The following ACACA variants were observed in gnomAD, a reference collection of about 807,000 sequenced individuals.
ACACA encodes the protein acetyl-CoA carboxylase 1.
Under a neutral mutation model 296.1 loss-of-function variants are expected in ACACA, and 103 were observed. That is an observed-to-expected ratio of 0.35 (90% confidence interval 0.30 to 0.41). The LOEUF is 0.41. Among genes scored for constraint, ACACA ranks in the 10% least tolerant of loss-of-function variants. The probability of loss-of-function intolerance (pLI) is 1.00; values close to 1 mark genes in which losing one functional copy is unlikely to be tolerated. For missense variants in ACACA, 1,554 were observed against 2,989.7 expected (o/e 0.52, Z 11.20); for synonymous variants, 953 against 1,038.6 (o/e 0.92, Z 1.58).
At chr17:37,355,166 C>T (rs777683087) in intron 1 of ACACA, among the ~76,000 whole-genome samples, 8 of 147,366 alleles carry the variant, frequency 5.4e-5, no homozygotes, top group Non-Finnish European at 1.2e-4. Context: ...TTGCTTGAAC[C>T]CGGGTGGCGG....
At chr17:37,266,074 C>A (rs901769868) in intron 10 of ACACA, among the ~76,000 whole-genome samples, 2 of 152,086 alleles carry the variant, frequency 1.3e-5, no homozygotes, top group African/African-American at 4.8e-5. Flanking sequence ...TCTGCATAGA[C>A]CTCTCTATAC....
At chr17:37,302,660 T>C (rs1445376509) in intron 3 of ACACA, among the ~76,000 whole-genome samples, 1 of 152,232 alleles carries the variant, frequency 6.6e-6, no homozygotes, top group Non-Finnish European at 1.5e-5. Flanking sequence ...CCTTTTTTGC[T>C]CAATTTATTC....
chr17:37,091,081 T>A lies in ACACA; in HGVS notation c.6892-2007A>T, dbSNP rs184514979. ...CTATCAACATATGCCAGGGAGCAGA[T>A]TAATTGTGGCTTAAGATAACTCTCC... On this transcript the variant is annotated intron_variant, in intron 54 of 55. Coordinates refer to ENST00000616317, the MANE Select transcript of ACACA (RefSeq NM_198834.3). Among the ~76,000 whole-genome samples, 103 of 152,302 alleles carry A rather than the reference T, an allele frequency of 6.8e-4. 1 individual carries two copies. The highest frequency in any genetic ancestry group is 2.3e-3 in the African/African-American group (95 of 41,562).
chr17:37,162,706 C>T (rs1261836578), intron 41 of ACACA: 4 of 245,286 alleles, frequency 1.6e-5, no homozygotes, highest in Non-Finnish European at 3.1e-5. Context: ...CTATGGTATG[C>T]GAATCTTGCA....
intron 45 of ACACA, among the ~76,000 whole-genome samples, chr17:37,133,776 A>G (rs746521119): frequency 6.4e-4 from 97 of 152,210 alleles, no homozygotes; most frequent in African/African-American, 2.2e-3. Context: ...GCAAGCATCA[A>G]TAATCATTTA....
At chr17:37,279,254 T>C (rs577854221) in intron 5 of ACACA, among the ~76,000 whole-genome samples, 3 of 152,330 alleles carry the variant, frequency 2.0e-5, no homozygotes, top group East Asian at 3.9e-4. Context: ...AATAGGCTTA[T>C]TGTTCTCTTT....
intron 41 of ACACA, among the ~76,000 whole-genome samples, chr17:37,162,410 A>G (rs997655589): frequency 1.3e-5 from 2 of 152,136 alleles, no homozygotes; most frequent in Non-Finnish European, 2.9e-5. Flanking sequence ...AGACACTGAT[A>G]TGGTTTGGAT....
chr17:37,245,932 C>T (rs2080675630), intron 19 of ACACA, among the ~76,000 whole-genome samples: 1 of 152,130 alleles, frequency 6.6e-6, no homozygotes, highest in African/African-American at 2.4e-5. Context: ...TTGTCCCTCC[C>T]CATTAAACCT....
intron 41 of ACACA, among the ~76,000 whole-genome samples, chr17:37,176,480 A>G (rs1248301876): frequency 1.3e-5 from 2 of 152,208 alleles, no homozygotes; most frequent in Non-Finnish European, 2.9e-5. Flanking sequence ...TTGGGACAGG[A>G]CAGATTTACT....
At chr17:37,142,017 T>G (rs1201545539) in intron 45 of ACACA, among the ~76,000 whole-genome samples, 1 of 151,624 alleles carries the variant, frequency 6.6e-6, no homozygotes, top group African/African-American at 2.4e-5. Context: ...TTTTTGTTTT[T>G]TTTTTTTTAA....
At chr17:37,378,966 G>C (rs2050126032) in intron 1 of ACACA, among the ~76,000 whole-genome samples, 1 of 152,156 alleles carries the variant, frequency 6.6e-6, no homozygotes, top group African/African-American at 2.4e-5. Flanking sequence ...CTACTCAGGA[G>C]GCTGAGGTGG....
At chr17:37,309,190 A>T (rs2084018206) in intron 3 of ACACA, among the ~76,000 whole-genome samples, 1 of 151,950 alleles carries the variant, frequency 6.6e-6, no homozygotes, top group Admixed American at 6.6e-5. Context: ...CCCAGCTATT[A>T]AAAAAAATTT....
chr17:37,122,726 GAAAC>G, intron 48 of ACACA, 99 bp from the exon 49 acceptor site: 2 of 967,748 alleles, frequency 2.1e-6, no homozygotes, highest in South Asian at 1.3e-5. Context: ...GAAAAAACTA[GAAAC>G]AAACACAGAG....
chr17:37,319,953 AAAAT>A (rs547850944), intron 3 of ACACA, among the ~76,000 whole-genome samples: 5 of 151,714 alleles, frequency 3.3e-5, no homozygotes, highest in African/African-American at 9.7e-5. Context: ...TCCATCTCAA[AAAAT>A]AAATAAATAA....
intron 44 of ACACA, 37 bp from the exon 45 acceptor site, chr17:37,150,011 T>G (rs748031894): frequency 5.1e-6 from 8 of 1,573,146 alleles, no homozygotes; most frequent in Non-Finnish European, 7.0e-6. Flanking sequence ...CACATATTTA[T>G]GTCCTCTCTG....
intron 1 of ACACA, among the ~76,000 whole-genome samples, chr17:37,397,039 C>T (rs935725310): frequency 1.6e-4 from 24 of 150,958 alleles, no homozygotes; most frequent in African/African-American, 4.9e-4. Context: ...CCTCCCCCAT[C>T]CCCCCACCCC....
intron 1 of ACACA, among the ~76,000 whole-genome samples, chr17:37,376,768 A>G (rs8074327): frequency 0.031 from 4,767 of 152,266 alleles, 239 homozygotes; most frequent in African/African-American, 0.11. Flanking sequence ...CAGCCTGGCC[A>G]ACATGGCGAA....
At chr17:37,280,531 A>G (rs143101883) in intron 5 of ACACA, among the ~76,000 whole-genome samples, 1 of 152,268 alleles carries the variant, frequency 6.6e-6, no homozygotes, top group Non-Finnish European at 1.5e-5. Flanking sequence ...TCAATAAGGT[A>G]TAATCTCTTA....
intron 24 of ACACA, among the ~76,000 whole-genome samples, chr17:37,238,799 T>A (rs1292825414): frequency 6.6e-6 from 1 of 152,126 alleles, no homozygotes; most frequent in Admixed American, 6.5e-5. Flanking sequence ...TCCTTAGTAT[T>A]TCATGTTTTG....
Sources: gnomAD v4.1 joint callset for allele counts (sites outside exome capture counted in the v4.1 genomes callset) on GRCh38, gnomAD v4.1.1 for gene constraint, MANE v1.5 for transcripts, NCBI Gene and HGNC (gene_info 2026-07-23, HGNC 2026-07-21) for gene names.